The following AP3B1 variants were observed in gnomAD, a reference collection of about 807,000 sequenced individuals.
AP3B1 encodes the protein AP-3 complex subunit beta-1.
Under a neutral mutation model 132.5 loss-of-function variants are expected in AP3B1, and 61 were observed. The observed-to-expected ratio is 0.46, with a 90% CI of 0.37 to 0.57. The LOEUF (loss-of-function observed/expected upper bound fraction) is 0.57, where lower values mean the gene tolerates loss of function less well. AP3B1 is among the 20% of genes least tolerant of loss of function. The pLI is 0.00. For synonymous variants in AP3B1, 388 were observed against 438.3 expected (o/e 0.89, Z 1.43); for missense variants, 1,120 against 1,289.4 (o/e 0.87, Z 2.01).
At chr5:78,198,294 A>T (rs545858879) in intron 7 of AP3B1, among the ~76,000 whole-genome samples, 3 of 152,288 alleles carry the variant, frequency 2.0e-5, no homozygotes. Context: ...TGACATTCCC[A>T]CATAATCTAA....
At chr5:78,251,203 C>T (rs761760358) in intron 2 of AP3B1, among the ~76,000 whole-genome samples, 13 of 149,542 alleles carry the variant, frequency 8.7e-5, no homozygotes, top group Non-Finnish European at 1.6e-4. Flanking sequence ...AAAACATCTA[C>T]ATATCCAGAC....
At chr5:78,071,467 C>T (rs1749541489) in intron 22 of AP3B1, among the ~76,000 whole-genome samples, 1 of 152,104 alleles carries the variant, frequency 6.6e-6, no homozygotes. Flanking sequence ...GGGCTTAATA[C>T]CTAGGTGATG....
chr5:78,031,316 T>C (rs1395307116), intron 24 of AP3B1, among the ~76,000 whole-genome samples: 3 of 152,178 alleles, frequency 2.0e-5, no homozygotes, highest in African/African-American at 7.2e-5. Flanking sequence ...GGCAGGCAGG[T>C]AGGAAATGGC....
chr5:78,109,379 G>C (rs1176412128), intron 20 of AP3B1, among the ~76,000 whole-genome samples: 1 of 152,090 alleles, frequency 6.6e-6, no homozygotes, highest in African/African-American at 2.4e-5. Flanking sequence ...ATATTGAAGA[G>C]ATTCCAGTTA....
chr5:78,115,402 A>G (rs956762478), intron 18 of AP3B1, among the ~76,000 whole-genome samples: 2 of 152,204 alleles, frequency 1.3e-5, no homozygotes, highest in African/African-American at 4.8e-5. Context: ...AGATTTGCCT[A>G]TTAGCTTAAG....
intron 7 of AP3B1, among the ~76,000 whole-genome samples, chr5:78,192,239 C>A (rs1386599358): frequency 1.3e-5 from 2 of 150,938 alleles, no homozygotes; most frequent in African/African-American, 4.9e-5. Flanking sequence ...AAATATAAAC[C>A]AAGAGAAAAA....
intron 18 of AP3B1, among the ~76,000 whole-genome samples, chr5:78,115,382 G>C (rs944010908): frequency 1.1e-4 from 16 of 152,152 alleles, no homozygotes; most frequent in Non-Finnish European, 1.8e-4. Flanking sequence ...GTGTCGTTTG[G>C]TCTTGGGTCA....
At chr5:78,197,177 A>G (rs1745107441) in intron 7 of AP3B1, among the ~76,000 whole-genome samples, 2 of 152,166 alleles carry the variant, frequency 1.3e-5, no homozygotes, top group Non-Finnish European at 2.9e-5. Flanking sequence ...CCAAAAAATA[A>G]AGCTTATTTT....
chr5:78,282,973 G>A (rs1749122696), intron 1 of AP3B1, among the ~76,000 whole-genome samples: 1 of 152,070 alleles, frequency 6.6e-6, no homozygotes, highest in South Asian at 2.1e-4. Flanking sequence ...CTGCACCCCA[G>A]CCTGGGGCAC....
intron 7 of AP3B1, among the ~76,000 whole-genome samples, chr5:78,193,686 A>C (rs1744934559): frequency 6.8e-6 from 1 of 146,054 alleles, no homozygotes; most frequent in African/African-American, 2.5e-5. Flanking sequence ...ATATATTTAC[A>C]TATATATTTT....
At chr5:78,031,154 GA>G (rs1411768215) in intron 24 of AP3B1, among the ~76,000 whole-genome samples, 1 of 152,020 alleles carries the variant, frequency 6.6e-6, no homozygotes, top group Non-Finnish European at 1.5e-5. Context: ...CAGAACACTC[GA>G]TCAGTATTCA....
In AP3B1 at chr5:78,096,122, T is replaced by C. The variant is rs1379399964; in HGVS notation, c.2470+4831A>G. Among the ~76,000 whole-genome samples, 6 of 152,302 alleles carry C rather than the reference T, an allele frequency of 3.9e-5. No homozygotes were observed. In the South Asian group the frequency reaches 6.2e-4, roughly 16 times the overall value. ...CTGCAACCTCCCTGCCTGATTCTCCTGCCTCAGCCTGCCGAGTGCCTGCGA... is the reference window on the plus strand; with the variant it reads ...CTGCAACCTCCCTGCCTGATTCTCCCGCCTCAGCCTGCCGAGTGCCTGCGA... On this transcript the variant is annotated intron_variant, in intron 21 of 26. Transcript: ENST00000255194.
chr5:78,134,822 C>T (rs949669167), intron 15 of AP3B1, among the ~76,000 whole-genome samples: 2 of 152,140 alleles, frequency 1.3e-5, no homozygotes, highest in African/African-American at 4.8e-5. Flanking sequence ...GGATTACAGG[C>T]GTGAGCCACT....
chr5:78,036,887 C>T lies in AP3B1; in HGVS notation c.2809+2156G>A, dbSNP rs532895748. On this transcript the variant is annotated intron_variant, in intron 23 of 26. Coordinates refer to ENST00000255194, the MANE Select transcript of AP3B1 (RefSeq NM_003664.5). ...AATGTTTTTGGAGGACTAATTTAGA[C>T]ATATTATATTCCTTAACCCTACAAT... Among the ~76,000 whole-genome samples, 45 of 152,240 alleles carry T rather than the reference C, an allele frequency of 3.0e-4. No individual in the cohort carries two copies. In the South Asian group the frequency reaches 8.7e-3, roughly 29 times the overall value.
chr5:78,228,493 A>G (rs1246404019), intron 3 of AP3B1, among the ~76,000 whole-genome samples: 2 of 152,228 alleles, frequency 1.3e-5, no homozygotes, highest in African/African-American at 4.8e-5. Context: ...GGAATAAAAA[A>G]TCCCTGAGCA....
intron 18 of AP3B1, among the ~76,000 whole-genome samples, chr5:78,115,458 T>C (rs1010924593): frequency 6.6e-6 from 1 of 152,186 alleles, no homozygotes; most frequent in Non-Finnish European, 1.5e-5. Flanking sequence ...TTTTTCATTA[T>C]GCAAATCACT....
chr5:78,112,088 T>C (rs1419709717), intron 19 of AP3B1, among the ~76,000 whole-genome samples: 1 of 152,084 alleles, frequency 6.6e-6, no homozygotes, highest in Non-Finnish European at 1.5e-5. Flanking sequence ...GTTTAAAGCT[T>C]ATTAGGAGCT....
intron 9 of AP3B1, among the ~76,000 whole-genome samples, chr5:78,176,429 G>A (rs1052573280): frequency 6.6e-6 from 1 of 152,118 alleles, no homozygotes; most frequent in South Asian, 2.1e-4. Flanking sequence ...AAAGGAAATG[G>A]CATCTCATTT....
At chr5:78,061,892 G>T (rs1485950097) in intron 22 of AP3B1, among the ~76,000 whole-genome samples, 3 of 152,126 alleles carry the variant, frequency 2.0e-5, no homozygotes, top group Non-Finnish European at 2.9e-5. Flanking sequence ...GATTGAAGGG[G>T]TCCATTATGT....
Sources: allele counts gnomAD v4.1 joint callset (sites outside exome capture counted in the v4.1 genomes callset), GRCh38; gene constraint gnomAD v4.1.1; transcripts MANE v1.5; gene names NCBI Gene and HGNC (gene_info 2026-07-23, HGNC 2026-07-21).